TMEM150C: variants seen among roughly 807,000 people sequenced by gnomAD.
TMEM150C encodes the protein tentonin 3.
TMEM150C carries 10 observed loss-of-function variants against 29.9 expected under a neutral mutation model. That is an observed-to-expected ratio of 0.33 (90% CI 0.21 to 0.57). The LOEUF is 0.57. Ranked by LOEUF, TMEM150C falls within the 20% of genes least tolerant of loss-of-function variation. The pLI, the probability that TMEM150C is intolerant of heterozygous loss-of-function variation, is 0.88. For missense variants in TMEM150C, 251 were observed against 303.6 expected, an observed-to-expected ratio of 0.83 and a Z score of 1.29; for synonymous variants, 101 against 112.5, an observed-to-expected ratio of 0.90 and a Z score of 0.64.
intron 6 of TMEM150C, chr4:82,491,229 C>T (rs1200817110): frequency 4.4e-6 from 3 of 684,668 alleles, no homozygotes; most frequent in East Asian, 5.3e-5. Flanking sequence ...GGCAGGTGGT[C>T]TCTTAGTGGG....
At chr4:82,547,020 T>C (rs569572534) in intron 1 of TMEM150C, among the ~76,000 whole-genome samples, 2 of 151,970 alleles carry the variant, frequency 1.3e-5, no homozygotes, top group South Asian at 4.2e-4. Context: ...TCAAAAGCAA[T>C]TGCAACAAAA....
chr4:82,499,012 A>C (rs1723644545), intron 5 of TMEM150C, among the ~76,000 whole-genome samples: 1 of 152,194 alleles, frequency 6.6e-6, no homozygotes, highest in African/African-American at 2.4e-5. Context: ...TCTTAACTCC[A>C]TTATTAATCA....
chr4:82,491,731 A>G (rs1307037714), intron 6 of TMEM150C: 1 of 362,038 alleles, frequency 2.8e-6, no homozygotes, highest in Non-Finnish European at 4.9e-6. Context: ...TGAACTTCTG[A>G]GCTCAAGTAA....
chr4:82,559,527 C>G (rs1411082408), intron 1 of TMEM150C, among the ~76,000 whole-genome samples: 3 of 152,274 alleles, frequency 2.0e-5, no homozygotes, highest in African/African-American at 7.2e-5. Flanking sequence ...TGCACTCCAG[C>G]CTGGGCGAGA....
intron 1 of TMEM150C, among the ~76,000 whole-genome samples, chr4:82,512,445 T>G (rs910051695): frequency 1.3e-5 from 2 of 152,178 alleles, no homozygotes; most frequent in Non-Finnish European, 2.9e-5. Flanking sequence ...AGCACCAAAA[T>G]CCACTCTGTC....
chr4:82,509,432 A>G (rs2110072745), intron 1 of TMEM150C, among the ~76,000 whole-genome samples: 1 of 152,308 alleles, frequency 6.6e-6, no homozygotes, highest in Middle Eastern at 3.4e-3. Context: ...GTGTTACTAT[A>G]AGCCCATATT....
At chr4:82,518,021 A>G (rs1724349873) in intron 1 of TMEM150C, among the ~76,000 whole-genome samples, 1 of 152,190 alleles carries the variant, frequency 6.6e-6, no homozygotes, top group South Asian at 2.1e-4. Context: ...ATATTCTCAG[A>G]AAGTAGTGAC....
At chr4:82,490,452 C>T (rs1215887838) in intron 6 of TMEM150C, among the ~76,000 whole-genome samples, 4 of 152,166 alleles carry the variant, frequency 2.6e-5, no homozygotes, top group Non-Finnish European at 5.9e-5. Context: ...CCCTTAAAAA[C>T]ATTTGTGTAG....
chr4:82,509,847 A>T (rs1190152425), intron 1 of TMEM150C: 1 of 152,126 alleles, frequency 6.6e-6, no homozygotes, highest in African/African-American at 2.4e-5. Context: ...AACTCACATG[A>T]TTATTCATAC....
At chr4:82,510,699 C>CT (rs1273038440) in intron 1 of TMEM150C, among the ~76,000 whole-genome samples, 2 of 152,054 alleles carry the variant, frequency 1.3e-5, no homozygotes, top group African/African-American at 4.8e-5. Context: ...CTTTGGTTAT[C>CT]TTTTTTTGTC....
chr4:82,536,785 A>G (rs1274192526), intron 1 of TMEM150C, among the ~76,000 whole-genome samples: 1 of 152,210 alleles, frequency 6.6e-6, no homozygotes, highest in Non-Finnish European at 1.5e-5. Context: ...AAGGTCAATG[A>G]CAAACTAGAA....
chr4:82,526,095 G>C (rs1724644493), intron 1 of TMEM150C, among the ~76,000 whole-genome samples: 1 of 152,082 alleles, frequency 6.6e-6, no homozygotes, highest in African/African-American at 2.4e-5. Flanking sequence ...AGTAGAGACA[G>C]GGTTTTACCA....
intron 1 of TMEM150C, among the ~76,000 whole-genome samples, chr4:82,524,404 G>C (rs753196665): frequency 2.6e-5 from 4 of 152,094 alleles, no homozygotes; most frequent in Non-Finnish European, 5.9e-5. Flanking sequence ...TTTCTAAAAA[G>C]AGAGACATGT....
chr4:82,509,550 C>A (rs9994061), intron 1 of TMEM150C: 46,119 of 152,040 alleles, frequency 0.3, 7,345 homozygotes, highest in Admixed American at 0.43. Context: ...AATCCCAGCA[C>A]TTTGGGAGGC....
Position 82,488,178 on chromosome 4 carries a change from A to G in TMEM150C, c.541+1883T>C, listed in dbSNP as rs189121878. On this transcript the variant is annotated intron_variant, in intron 7 of 7. Coordinates refer to ENST00000449862, the MANE Select transcript of TMEM150C (RefSeq NM_001080506.3). ...AGCTTAGCTCCCACTTATGAGTGAG[A>G]ACACAGGATGTTTGGTTTTTCATTC... Among the ~76,000 whole-genome samples the G allele has an allele frequency of 8.2e-4, 125 of 152,288 alleles. 1 individual carries two copies. The Middle Eastern group carries it at 0.01, about 12-fold the overall frequency.
At chr4:82,518,277 C>T (rs555512420) in intron 1 of TMEM150C, among the ~76,000 whole-genome samples, 1 of 152,052 alleles carries the variant, frequency 6.6e-6, no homozygotes, top group African/African-American at 2.4e-5. Flanking sequence ...GATCAAGCAA[C>T]TCCACTCCAG....
rs377495705 is a variant in TMEM150C, at chr4:82,496,054, G to C, written c.363+14C>G. On this transcript the variant is annotated intron_variant, in intron 6 of 7. Coordinates refer to ENST00000449862, the MANE Select transcript of TMEM150C (RefSeq NM_001080506.3). Reference sequence around the variant, plus strand: ...CCAGTGTCAGAGGGAGGTGAAAAAGGCCAAATCAAGTACCTGAAAATTACC... The same window carrying C: ...CCAGTGTCAGAGGGAGGTGAAAAAGCCCAAATCAAGTACCTGAAAATTACC... 1.4e-5 allele frequency: 22 copies of C among 1,613,766 alleles called. No individual in the cohort carries two copies. Among genetic ancestry groups the C allele is most frequent in the Non-Finnish European group, 1.9e-5 (22 of 1,179,842 alleles).
chr4:82,530,245 G>A (rs1412377535), intron 1 of TMEM150C, among the ~76,000 whole-genome samples: 1 of 151,932 alleles, frequency 6.6e-6, no homozygotes, highest in East Asian at 1.9e-4. Context: ...TGAGGAGGGT[G>A]AACAGACTTA....
Position 82,533,268 on chromosome 4 carries a change from T to G in TMEM150C, c.-10-28601A>C, listed in dbSNP as rs556217653. 1.4e-3 allele frequency among the ~76,000 whole-genome samples: 215 copies of G among 152,352 alleles called. 2 individuals are homozygous for G. Among genetic ancestry groups the G allele is most frequent in the African/African-American group, 4.8e-3 (201 of 41,582 alleles). ...ATATATTTGTATGAGAGCCATGAAT[T>G]TATCTTTTTCTGACAACTATCCTTT... On this transcript the variant is annotated intron_variant, in intron 1 of 7. Coordinates refer to ENST00000449862, the MANE Select transcript of TMEM150C (RefSeq NM_001080506.3).
Sources: allele counts gnomAD v4.1 joint callset (sites outside exome capture counted in the v4.1 genomes callset), GRCh38; gene constraint gnomAD v4.1.1; transcripts MANE v1.5; gene names NCBI Gene and HGNC (gene_info 2026-07-23, HGNC 2026-07-21).